CD2AP: variants seen among roughly 807,000 people sequenced by gnomAD.
CD2AP encodes the protein CD2-associated protein.
Under a neutral mutation model 85.1 loss-of-function variants are expected in CD2AP, and 46 were observed. The ratio of observed to expected loss-of-function variants is 0.54; its 90% CI spans 0.43 to 0.69. The LOEUF is 0.69. Among genes scored for constraint, CD2AP ranks in the 30% least tolerant of loss-of-function variants. The pLI is 0.00. For missense variants in CD2AP, 769 were observed against 729.5 expected, an observed-to-expected ratio of 1.05 and a Z score of -0.62; for synonymous variants, 255 against 252.9, an observed-to-expected ratio of 1.01 and a Z score of -0.08.
In CD2AP at chr6:47,567,842, A is replaced by T. The variant is rs1033394582; in HGVS notation, c.542-6222A>T. ...ATTACAAAAGTGTTAATCAAATCAC[A>T]GAGAAGCCATAGAGCAAAATCATGA... is the stretch of plus-strand genomic sequence containing the variant. On this transcript the variant is annotated intron_variant, in intron 5 of 17. Coordinates refer to ENST00000359314, the MANE Select transcript of CD2AP (RefSeq NM_012120.3). Among the ~76,000 whole-genome samples, 14 of 152,350 alleles carry T rather than the reference A, an allele frequency of 9.2e-5. 1 individual carries two copies. Among genetic ancestry groups the T allele is most frequent in the Admixed American group, 3.3e-4 (5 of 15,308 alleles).
intron 5 of CD2AP, among the ~76,000 whole-genome samples, chr6:47,566,623 T>C (rs1342528862): frequency 6.6e-6 from 1 of 152,022 alleles, no homozygotes; most frequent in Non-Finnish European, 1.5e-5. Flanking sequence ...CCCCCGCTCC[T>C]CACCCCTCAA....
chr6:47,503,550 T>C (rs1268232941), intron 2 of CD2AP, 110 bp downstream of exon 2: 9 of 1,019,824 alleles, frequency 8.8e-6, no homozygotes, highest in Non-Finnish European at 1.2e-5. Context: ...AATGTTTTCT[T>C]TGTAACATTT....
chr6:47,516,544 G>A (rs1049427279), intron 2 of CD2AP, among the ~76,000 whole-genome samples: 16 of 152,170 alleles, frequency 1.1e-4, no homozygotes, highest in African/African-American at 3.6e-4. Flanking sequence ...TACTCATGAA[G>A]GTCTTTTCAT....
chr6:47,517,306 G>A (rs144517088), intron 2 of CD2AP, among the ~76,000 whole-genome samples: 236 of 150,360 alleles, frequency 1.6e-3, no homozygotes, highest in African/African-American at 5.4e-3. Flanking sequence ...TTTTGGAGGC[G>A]GTTTCTTACT....
At chr6:47,583,704 C>G (rs1290745772) in intron 11 of CD2AP, among the ~76,000 whole-genome samples, 1 of 152,150 alleles carries the variant, frequency 6.6e-6, no homozygotes, top group Non-Finnish European at 1.5e-5. Flanking sequence ...AGTTTTGGCA[C>G]TTATAAGGGG....
At chr6:47,608,964 T>C (rs559701036) in intron 15 of CD2AP, among the ~76,000 whole-genome samples, 159 bp from the exon 16 acceptor site, 2 of 152,368 alleles carry the variant, frequency 1.3e-5, no homozygotes, top group South Asian at 4.1e-4. Flanking sequence ...TCTTTAGTTG[T>C]CTGGTGATTT....
chr6:47,587,160 A>G (rs927957228), intron 11 of CD2AP, among the ~76,000 whole-genome samples: 10 of 152,200 alleles, frequency 6.6e-5, no homozygotes, highest in Non-Finnish European at 1.5e-4. Context: ...GCATTTTCAA[A>G]TCATGGCTAG....
At chr6:47,482,861 G>A (rs9381565) in intron 1 of CD2AP, among the ~76,000 whole-genome samples, 46,983 of 151,950 alleles carry the variant, frequency 0.31, 8,487 homozygotes, top group Middle Eastern at 0.51. Flanking sequence ...TATTTTGAAC[G>A]ATAAAAATGC....
chr6:47,483,277 A>G (rs192478380), intron 1 of CD2AP, among the ~76,000 whole-genome samples: 94 of 152,302 alleles, frequency 6.2e-4, no homozygotes, highest in African/African-American at 2.1e-3. Context: ...ATGGAGGTCT[A>G]TATGTGCCTA....
intron 3 of CD2AP, among the ~76,000 whole-genome samples, chr6:47,536,772 A>C (rs1767059642): frequency 6.6e-6 from 1 of 152,220 alleles, no homozygotes; most frequent in Admixed American, 6.5e-5. Context: ...TCTCAAAGCA[A>C]AAACAGGTTG....
intron 5 of CD2AP, among the ~76,000 whole-genome samples, chr6:47,558,058 A>T (rs1767744184): frequency 6.6e-6 from 1 of 151,988 alleles, no homozygotes; most frequent in Admixed American, 6.6e-5. Flanking sequence ...TGTAAGTTGG[A>T]TTCCTAGGTA....
chr6:47,573,160 C>T (rs1343390783), intron 5 of CD2AP, among the ~76,000 whole-genome samples: 1 of 151,968 alleles, frequency 6.6e-6, no homozygotes, highest in African/African-American at 2.4e-5. Flanking sequence ...AAATAAGAAC[C>T]CTTGTTACTG....
chr6:47,570,915 T>C (rs539189118), intron 5 of CD2AP, among the ~76,000 whole-genome samples: 5 of 152,350 alleles, frequency 3.3e-5, no homozygotes, highest in Admixed American at 3.3e-4. Flanking sequence ...AAAAATAGCC[T>C]ATCCATTAGT....
intron 12 of CD2AP, among the ~76,000 whole-genome samples, chr6:47,597,113 G>C (rs1167451562): frequency 6.7e-6 from 1 of 149,416 alleles, no homozygotes; most frequent in East Asian, 1.9e-4. Context: ...TCTGTTGGCT[G>C]TGCCAACAGT....
intron 3 of CD2AP, among the ~76,000 whole-genome samples, chr6:47,544,199 C>T (rs1022192030): frequency 3.9e-5 from 6 of 152,130 alleles, no homozygotes; most frequent in African/African-American, 7.2e-5. Context: ...TTTCTATAGT[C>T]GTAAAAGTAC....
chr6:47,600,693 CAG>C (rs1769105096), intron 13 of CD2AP, among the ~76,000 whole-genome samples: 1 of 151,798 alleles, frequency 6.6e-6, no homozygotes, highest in Non-Finnish European at 1.5e-5. Flanking sequence ...GTTTGATAAA[CAG>C]AAAAAGAATC....
chr6:47,577,638 T>C (rs1001091601), intron 8 of CD2AP, among the ~76,000 whole-genome samples: 4 of 152,334 alleles, frequency 2.6e-5, no homozygotes, highest in African/African-American at 7.2e-5. Flanking sequence ...CCAGTACTAC[T>C]TGTGTGTGGG....
intron 7 of CD2AP, among the ~76,000 whole-genome samples, 180 bp downstream of exon 7, chr6:47,576,782 T>C (rs1768325349): frequency 6.6e-6 from 1 of 152,218 alleles, no homozygotes; most frequent in African/African-American, 2.4e-5. Context: ...TATCTCCTTG[T>C]AGTTGAATCT....
chr6:47,502,146 T>G (rs1295491988), intron 1 of CD2AP, among the ~76,000 whole-genome samples: 1 of 152,170 alleles, frequency 6.6e-6, no homozygotes, highest in African/African-American at 2.4e-5. Flanking sequence ...AGTTTCCTGA[T>G]GTCAGTCAGA....
Sources: gnomAD v4.1 joint callset for allele counts (sites outside exome capture counted in the v4.1 genomes callset) on GRCh38, gnomAD v4.1.1 for gene constraint, MANE v1.5 for transcripts, NCBI Gene and HGNC (gene_info 2026-07-23, HGNC 2026-07-21) for gene names.